PRKAR1A: variants seen among roughly 807,000 people sequenced by gnomAD.
PRKAR1A encodes the protein cAMP-dependent protein kinase type I-alpha regulatory subunit.
In PRKAR1A, 3 loss-of-function variants were observed where a neutral mutation model predicts 52.0. That is an observed-to-expected ratio of 0.06 (90% CI 0.03 to 0.15). PRKAR1A has a LOEUF of 0.15. Among genes scored for constraint, PRKAR1A ranks in the 10% least tolerant of loss-of-function variants. The pLI, the probability that PRKAR1A is intolerant of heterozygous loss-of-function variation, is 1.00. For missense variants in PRKAR1A, 240 were observed against 477.4 expected (o/e 0.50, Z 4.63); for synonymous variants, 188 against 168.4 (o/e 1.12, Z -0.90).
At chr17:68,470,974 G>A in the PRKAR1A span, among the ~76,000 whole-genome samples, 1 of 152,042 alleles carries the variant, frequency 6.6e-6, no homozygotes, top group African/African-American at 2.4e-5. Flanking sequence ...AAAATGGGAG[G>A]GAAAAACTCA....
chr17:68,543,492 C>T (rs1600531768), intron 11 of PRKAR1A: 4 of 737,720 alleles, frequency 5.4e-6, no homozygotes, highest in African/African-American at 1.7e-5. Context: ...TCAAAGACAC[C>T]ACGATGAGGC....
At chr17:68,515,371 ATG>A (rs1333349583) in intron 1 of PRKAR1A, 21 bp from the exon 2 acceptor site, 2 of 1,612,232 alleles carry the variant, frequency 1.2e-6, no homozygotes, top group South Asian at 1.1e-5. Flanking sequence ...TTATACAAGC[ATG>A]TGTGTGTTTT....
the PRKAR1A span, among the ~76,000 whole-genome samples, chr17:68,470,271 A>G: frequency 6.6e-6 from 1 of 152,164 alleles, no homozygotes; most frequent in Non-Finnish European, 1.5e-5. Flanking sequence ...TAGTAGAGGC[A>G]GGGTTTCACC....
chr17:68,466,516 A>G, the PRKAR1A span, among the ~76,000 whole-genome samples: 2 of 144,708 alleles, frequency 1.4e-5, no homozygotes, highest in African/African-American at 5.2e-5. Flanking sequence ...GGTTCAAGCG[A>G]TTCTAGTGCC....
chr17:68,477,931 C>G, the PRKAR1A span, among the ~76,000 whole-genome samples: 4 of 152,076 alleles, frequency 2.6e-5, no homozygotes, highest in Non-Finnish European at 4.4e-5. Flanking sequence ...CCATGTTGGC[C>G]GAGCTGGTCG....
the PRKAR1A span, chr17:68,426,252 G>GGGT: frequency 1.2e-6 from 1 of 828,184 alleles, no homozygotes; most frequent in Non-Finnish European, 1.9e-6. Context: ...TGGGGAGCGG[G>GGGT]GGCTCAAATA....
At chr17:68,452,868 G>T in the PRKAR1A span, 5 of 1,577,928 alleles carry the variant, frequency 3.2e-6, no homozygotes, top group Non-Finnish European at 3.5e-6. Flanking sequence ...GGAGGCTCTG[G>T]TTCTCCTGCA....
chr17:68,529,263 T>C lies in PRKAR1A; in HGVS notation c.891+272T>C, dbSNP rs142235529. The stretch of plus-strand genomic sequence containing the variant: ...ATGAAAAGCCAAATTCTAAAAACCA[T>C]TTAACATAACAAACTGTGATGATTC... On this transcript the variant is annotated intron_variant, in intron 9 of 10. Coordinates refer to ENST00000589228, the MANE Select transcript of PRKAR1A (RefSeq NM_002734.5). 1.2e-4 allele frequency among the ~76,000 whole-genome samples: 19 copies of C among 152,326 alleles called. No homozygotes were observed. The East Asian group carries it at 2.3e-3, about 19-fold the overall frequency.
At chr17:68,467,166 G>A in the PRKAR1A span, among the ~76,000 whole-genome samples, 2 of 152,136 alleles carry the variant, frequency 1.3e-5, no homozygotes, top group Admixed American at 1.3e-4. Flanking sequence ...TATCAGCTGA[G>A]GGACATTTGG....
chr17:68,462,207 C>T, the PRKAR1A span, among the ~76,000 whole-genome samples: 1 of 152,156 alleles, frequency 6.6e-6, no homozygotes, highest in Non-Finnish European at 1.5e-5. Flanking sequence ...ATTTTTGCCT[C>T]CAGAATAGCC....
chr17:68,433,330 A>G, the PRKAR1A span: 1 of 808,712 alleles, frequency 1.2e-6, no homozygotes, highest in South Asian at 1.8e-5. Context: ...GCTAACACAC[A>G]CTCCATCACT....
upstream of PRKAR1A, among the ~76,000 whole-genome samples, chr17:68,509,365 T>C (rs1217112221): frequency 6.6e-6 from 1 of 152,124 alleles, no homozygotes; most frequent in Non-Finnish European, 1.5e-5. Context: ...GCGGTCTCAC[T>C]GTGTTGCCCA....
At chr17:68,478,325 G>A in the PRKAR1A span, among the ~76,000 whole-genome samples, 22 of 151,972 alleles carry the variant, frequency 1.4e-4, no homozygotes, top group African/African-American at 2.9e-4. Flanking sequence ...GGTGGCGTGC[G>A]CCTGTAGTCC....
rs2143292757 is a variant in PRKAR1A, at chr17:68,524,007, C to A, written c.441-9C>A. Reference sequence around the variant, plus strand: ...TGAAATGTAACACGAGGCCTTCTCTCTTTTGCAGTGATATTTTTGATGCCA... The same window carrying A: ...TGAAATGTAACACGAGGCCTTCTCTATTTTGCAGTGATATTTTTGATGCCA... On this transcript the variant is annotated splice_polypyrimidine_tract_variant and intron_variant, in intron 4 of 10. Transcript: ENST00000589228. 1.9e-6 allele frequency: 3 copies of A among 1,614,036 alleles called. No individual in the cohort carries two copies. Among genetic ancestry groups the A allele is most frequent in the Non-Finnish European group, 2.5e-6 (3 of 1,179,930 alleles).
At chr17:68,540,752 T>G (rs1445872557) in intron 11 of PRKAR1A, 1 of 1,458,660 alleles carries the variant, frequency 6.9e-7, no homozygotes, top group Non-Finnish European at 9.3e-7. Flanking sequence ...TACTCAGTCC[T>G]CATGAACCAG....
chr17:68,523,830 C>G lies in PRKAR1A; in HGVS notation c.440+14C>G. ...TAATGAGAGAAGGTAGGAACAGGCT[C>G]TTTCTTAACACTATTTTTCAAGTAA... On this transcript the variant is annotated intron_variant, in intron 4 of 10. Transcript: ENST00000589228. The G allele has an allele frequency of 1.9e-6, 3 of 1,610,458 alleles. No homozygotes were observed. Among genetic ancestry groups the G allele is most frequent in the African/African-American group, 1.3e-5 (1 of 74,960 alleles).
At chr17:68,522,713 C>T (rs1350046578) in intron 2 of PRKAR1A, 43 bp from the exon 3 acceptor site, 5 of 1,605,940 alleles carry the variant, frequency 3.1e-6, no homozygotes, top group Admixed American at 3.3e-5. Context: ...GCCAGCTTTA[C>T]ATGCCGAAGG....
chr17:68,537,294 G>T, downstream of PRKAR1A: 1 of 799,072 alleles, frequency 1.3e-6, no homozygotes, highest in Non-Finnish European at 2.1e-6. The surrounding 1 kb of genome is among the most constrained non-coding windows in gnomAD (Gnocchi z 4.2). Flanking sequence ...CGACAGAAGC[G>T]GTGCACCAAG....
intron 5 of PRKAR1A, 102 bp from the exon 6 acceptor site, chr17:68,524,810 T>A (rs2085733494): frequency 1.3e-5 from 12 of 902,112 alleles, no homozygotes; most frequent in East Asian, 4.9e-5. Flanking sequence ...TGTAACACAC[T>A]CTCACAGTAC....
Sources: allele counts gnomAD v4.1 joint callset (sites outside exome capture counted in the v4.1 genomes callset), GRCh38; gene constraint gnomAD v4.1.1; non-coding constraint Gnocchi (gnomAD v3.1); transcripts MANE v1.5; gene names NCBI Gene and HGNC (gene_info 2026-07-23, HGNC 2026-07-21).